NSD1: variants seen among roughly 807,000 people sequenced by gnomAD.
NSD1 encodes nuclear receptor binding SET domain protein 1, also known as histone-lysine N-methyltransferase, H3 lysine-36 specific.
NSD1 carries 26 observed loss-of-function variants against 242.7 expected under a neutral mutation model. That is an observed-to-expected ratio of 0.11 (90% confidence interval 0.08 to 0.15). NSD1 has a LOEUF of 0.15. Among genes scored for constraint, NSD1 ranks in the 10% least tolerant of loss-of-function variants. The pLI, the probability that NSD1 is intolerant of heterozygous loss-of-function variation, is 1.00. For synonymous variants in NSD1, 1,106 were observed against 1,178.1 expected (o/e 0.94, Z 1.25); for missense variants, 2,495 against 3,272.8 (o/e 0.76, Z 5.80).
chr5:177,269,832 A>G lies in NSD1; in HGVS notation c.5509+25A>G, dbSNP rs1389539329. On this transcript the variant is annotated intron_variant, in intron 16 of 22. Coordinates refer to ENST00000439151, the MANE Select transcript of NSD1 (RefSeq NM_022455.5). The surrounding 1 kb of genome is among the most constrained non-coding windows in gnomAD (Gnocchi z 5.1). Reference sequence around the variant, plus strand: ...GGTAACTTTATCCTTTTTGTTTCTCAGGCAAACACAGACCTCTGTTACCTG... The same window carrying G: ...GGTAACTTTATCCTTTTTGTTTCTCGGGCAAACACAGACCTCTGTTACCTG... The G allele has an allele frequency of 6.3e-7, 1 of 1,584,366 alleles. No homozygotes were observed.
At chr5:177,160,781 A>G (rs1283607726) in intron 2 of NSD1, among the ~76,000 whole-genome samples, 1 of 151,968 alleles carries the variant, frequency 6.6e-6, no homozygotes, top group African/African-American at 2.4e-5. Flanking sequence ...TAGGAGTATC[A>G]TTGTACCTGA....
At chr5:177,199,738 T>C (rs2149831323) in intron 3 of NSD1, among the ~76,000 whole-genome samples, 1 of 152,178 alleles carries the variant, frequency 6.6e-6, no homozygotes, top group Admixed American at 6.5e-5. Context: ...TAGCTGGGAT[T>C]ACAGGCACCT....
intron 12 of NSD1, among the ~76,000 whole-genome samples, chr5:177,253,255 G>A (rs1756152162): frequency 6.6e-6 from 1 of 152,158 alleles, no homozygotes; most frequent in Admixed American, 6.5e-5. Flanking sequence ...CTAAAGGGAG[G>A]ATATTATAGG....
At chr5:177,168,922 T>C (rs529495560) in intron 2 of NSD1, among the ~76,000 whole-genome samples, 3 of 152,324 alleles carry the variant, frequency 2.0e-5, no homozygotes, top group African/African-American at 7.2e-5. Flanking sequence ...CAGGTCAATA[T>C]GGAGGATGAG....
At chr5:177,289,830 T>C (rs924692269) in intron 21 of NSD1, among the ~76,000 whole-genome samples, 3 of 147,134 alleles carry the variant, frequency 2.0e-5, no homozygotes, top group Admixed American at 6.6e-5. Flanking sequence ...TGTTGTTGTT[T>C]TGTGTTTTTT....
intron 19 of NSD1, among the ~76,000 whole-genome samples, chr5:177,283,075 T>C (rs1759024377): frequency 6.6e-6 from 1 of 152,140 alleles, no homozygotes; most frequent in South Asian, 2.1e-4. Context: ...TGCCTCAGCC[T>C]CCCAAGTAGC....
intron 14 of NSD1, chr5:177,264,724 G>C: frequency 3.0e-6 from 2 of 671,818 alleles, no homozygotes; most frequent in Non-Finnish European, 5.5e-6. Flanking sequence ...TTAAGTAAAG[G>C]CCCTTTTGGC....
chr5:177,171,882 C>T (rs1759741257), intron 2 of NSD1, among the ~76,000 whole-genome samples: 1 of 152,162 alleles, frequency 6.6e-6, no homozygotes, highest in African/African-American at 2.4e-5. Context: ...TTCACCTTTT[C>T]GACAATGTAA....
chr5:177,260,340 T>C (rs1756892336), intron 14 of NSD1, among the ~76,000 whole-genome samples, 172 bp downstream of exon 14: 1 of 27,956 alleles, frequency 3.6e-5, no homozygotes, highest in Admixed American at 2.8e-4. Context: ...ATAGCAGAAC[T>C]TTTTTTTTTT....
At chr5:177,287,464 C>T (rs1246253770) in intron 20 of NSD1, among the ~76,000 whole-genome samples, 2 of 152,004 alleles carry the variant, frequency 1.3e-5, no homozygotes, top group Non-Finnish European at 2.9e-5. Flanking sequence ...GGTGAAACAC[C>T]GTCTCTACTA....
intron 17 of NSD1, 57 bp from the exon 18 acceptor site, chr5:177,280,508 C>T (rs997801029): frequency 3.9e-5 from 63 of 1,610,760 alleles, no homozygotes; most frequent in Non-Finnish European, 4.9e-5. Flanking sequence ...TTTTTCAGGA[C>T]GTGAATTGTC....
chr5:177,154,996 A>G (rs1171757085), intron 2 of NSD1, among the ~76,000 whole-genome samples: 2 of 120,388 alleles, frequency 1.7e-5, no homozygotes, highest in Non-Finnish European at 3.5e-5. Context: ...GTGCCCGGCA[A>G]TTTTTTTTTT....
chr5:177,158,269 CTTT>C (rs1758321464), intron 2 of NSD1, among the ~76,000 whole-genome samples: 1 of 103,160 alleles, frequency 9.7e-6, no homozygotes, highest in Non-Finnish European at 1.8e-5. Context: ...TTCTTTCTTT[CTTT>C]CTTTCTTTCT....
chr5:177,260,319 T>A (rs2149918443), intron 14 of NSD1, 151 bp downstream of exon 14: 2 of 694,880 alleles, frequency 2.9e-6, no homozygotes, highest in East Asian at 5.7e-5. Flanking sequence ...ATGTCCCGAA[T>A]TAATGATTAC....
chr5:177,147,054 C>T (rs986918545), intron 2 of NSD1, among the ~76,000 whole-genome samples: 49 of 151,968 alleles, frequency 3.2e-4, no homozygotes, highest in Middle Eastern at 3.4e-3. Context: ...CATAAGGATC[C>T]CTGCTGTTGC....
intron 14 of NSD1, among the ~76,000 whole-genome samples, chr5:177,260,514 T>G (rs1420357036): frequency 5.3e-5 from 8 of 151,654 alleles, no homozygotes; most frequent in Admixed American, 3.3e-4. Flanking sequence ...GCCCGACTAA[T>G]TGTTTGTATT....
At chr5:177,266,746 C>T (rs568313573) in intron 14 of NSD1, 2 of 260,864 alleles carry the variant, frequency 7.7e-6, no homozygotes, top group South Asian at 1.7e-4. Context: ...CTTGGAATTA[C>T]ATGTTTGAGT....
intron 8 of NSD1, among the ~76,000 whole-genome samples, chr5:177,241,001 A>G (rs1765813507): frequency 1.3e-5 from 2 of 152,314 alleles, no homozygotes; most frequent in South Asian, 4.1e-4. Context: ...CCTGGGTGAC[A>G]GAGCAAGACC....
chr5:177,245,961 ATT>A (rs1173055368), intron 9 of NSD1, among the ~76,000 whole-genome samples: 3 of 40,746 alleles, frequency 7.4e-5, no homozygotes, highest in Non-Finnish European at 1.6e-4. Context: ...TAATCCTTTT[ATT>A]TTTTTTATTT....
Sources: gnomAD v4.1 joint callset for allele counts (sites outside exome capture counted in the v4.1 genomes callset) on GRCh38, gnomAD v4.1.1 for gene constraint, Gnocchi (gnomAD v3.1) non-coding constraint, MANE v1.5 for transcripts, NCBI Gene and HGNC (gene_info 2026-07-23, HGNC 2026-07-21) for gene names.